Variants in RB1CC1 observed in about 807,000 individuals in gnomAD.
RB1CC1 encodes RB1-inducible coiled-coil protein 1.
Under a neutral mutation model 177.5 loss-of-function variants are expected in RB1CC1, and 46 were observed. That is an observed-to-expected ratio of 0.26 (90% CI 0.20 to 0.33). RB1CC1 has a LOEUF of 0.33. Ranked by LOEUF, RB1CC1 falls within the 10% of genes least tolerant of loss-of-function variation. The probability of loss-of-function intolerance (pLI) is 1.00; values close to 1 mark genes in which losing one functional copy is unlikely to be tolerated. For missense variants in RB1CC1, 1,703 were observed against 1,816.3 expected (o/e 0.94, Z 1.13); for synonymous variants, 666 against 613.6 (o/e 1.09, Z -1.26).
chr8:52,624,209 G>A (rs908696568), intron 23 of RB1CC1, among the ~76,000 whole-genome samples: 3 of 151,944 alleles, frequency 2.0e-5, no homozygotes, highest in Admixed American at 6.6e-5. Flanking sequence ...AGTTCTATTC[G>A]TATTTTGTAC....
chr8:52,683,483 C>CTA, intron 5 of RB1CC1, 66 bp downstream of exon 5: 1 of 1,340,192 alleles, frequency 7.5e-7, no homozygotes, highest in Admixed American at 2.7e-5. Flanking sequence ...GCAATTTAGA[C>CTA]TACTGTGCTA....
chr8:52,640,329 TC>T (rs1849463306), intron 18 of RB1CC1, among the ~76,000 whole-genome samples: 2 of 152,274 alleles, frequency 1.3e-5, no homozygotes, highest in Admixed American at 6.5e-5. Context: ...GTTTTGGTGT[TC>T]AATAATGTAC....
intron 20 of RB1CC1, among the ~76,000 whole-genome samples, chr8:52,633,533 C>A (rs1848913128): frequency 6.6e-6 from 1 of 152,086 alleles, no homozygotes; most frequent in Admixed American, 6.5e-5. Flanking sequence ...TTTTGCTGTT[C>A]AAGTTAAGGT....
chr8:52,664,158 C>A (rs111932890), intron 8 of RB1CC1, among the ~76,000 whole-genome samples: 33 of 152,292 alleles, frequency 2.2e-4, no homozygotes, highest in East Asian at 7.7e-4. Flanking sequence ...TCACCATATA[C>A]CTCCTAGCTT....
intron 1 of RB1CC1, among the ~76,000 whole-genome samples, chr8:52,691,643 G>A (rs944512937): frequency 6.6e-6 from 1 of 152,112 alleles, no homozygotes; most frequent in African/African-American, 2.4e-5. Flanking sequence ...ATTTTCCCAC[G>A]TTTTCATCCA....
At position 52,656,483 on chromosome 8, in the gene RB1CC1, C is replaced by T. The variant is rs1376484445; in HGVS notation, c.3346G>A (p.Glu1116Lys). Residue 1116 changes from glutamate (E) to lysine (K), a missense_variant, in exon 15 of 24, where the codon GAA becomes AAA. By Grantham distance (56) the Glu-to-Lys change is moderately conservative. Coordinates refer to ENST00000025008, the MANE Select transcript of RB1CC1 (RefSeq NM_014781.5). ...KLNQKIQDNN[E>K]NYQVGLAELR... ...TCTGCTAAGCCCACCTGATAATTTT[C>T]ATTATTATCCTGAATCTTTTGGTTG... The T allele has an allele frequency of 3.7e-6, 6 of 1,611,098 alleles. No individual in the cohort carries two copies. Among genetic ancestry groups the T allele is most frequent in the Middle Eastern group, 1.7e-4 (1 of 6,038 alleles).
At chr8:52,699,830 A>AAAATATATAT (rs1554557119) in intron 1 of RB1CC1, among the ~76,000 whole-genome samples, 2 of 26,700 alleles carry the variant, frequency 7.5e-5, no homozygotes, top group Admixed American at 8.2e-4. Context: ...AAAAAAAAAA[A>AAAATATATAT]ATATATATAT....
At chr8:52,708,861 T>C (rs1167039173) in intron 1 of RB1CC1, among the ~76,000 whole-genome samples, 2 of 152,160 alleles carry the variant, frequency 1.3e-5, no homozygotes, top group African/African-American at 2.4e-5. Context: ...TGAGGGAGAA[T>C]TGCTAATAAC....
intron 18 of RB1CC1, among the ~76,000 whole-genome samples, chr8:52,640,651 A>AT (rs900324094): frequency 5.3e-5 from 8 of 152,070 alleles, no homozygotes; most frequent in Admixed American, 5.2e-4. Context: ...AGTTGGATAT[A>AT]TTTTTTTAAA....
chr8:52,666,412 G>A (rs1852071042), intron 8 of RB1CC1, among the ~76,000 whole-genome samples: 1 of 151,866 alleles, frequency 6.6e-6, no homozygotes, highest in South Asian at 2.1e-4. Context: ...CAGCTACTTC[G>A]GAGACTGAGG....
intron 20 of RB1CC1, among the ~76,000 whole-genome samples, chr8:52,632,942 G>A (rs920788146): frequency 6.6e-6 from 1 of 152,158 alleles, no homozygotes; most frequent in Non-Finnish European, 1.5e-5. Context: ...TCAGACTGAA[G>A]CATAAGTGAC....
rs558344993 is a variant in RB1CC1, at chr8:52,691,683, A to G, written c.-166-4716T>C. ...GTATAGTCCTAAGACTGGCATCTTT[A>G]ATCAGAAGCCTCTTCTAAATATTTT... On this transcript the variant is annotated intron_variant, in intron 1 of 23. Transcript: ENST00000025008. 2.0e-5 allele frequency among the ~76,000 whole-genome samples: 3 copies of G among 152,300 alleles called. No homozygotes were observed. In the South Asian group the frequency reaches 6.2e-4, roughly 32 times the overall value.
intron 18 of RB1CC1, among the ~76,000 whole-genome samples, chr8:52,640,746 T>C (rs1849505142): frequency 6.6e-6 from 1 of 151,848 alleles, no homozygotes; most frequent in Non-Finnish European, 1.5e-5. Flanking sequence ...CCATGTTTTC[T>C]TGATTTGCTT....
chr8:52,691,403 CA>C (rs893421127), intron 1 of RB1CC1, among the ~76,000 whole-genome samples: 63 of 151,984 alleles, frequency 4.1e-4, no homozygotes, highest in African/African-American at 1.5e-3. Context: ...CAATGCTGAC[CA>C]AAAAAAGCTG....
rs962965769 is a variant in RB1CC1 at position 52,630,458 on chromosome 8, T to G, written c.4499+12A>C. On this transcript the variant is annotated intron_variant, in intron 21 of 23. Coordinates refer to ENST00000025008, the MANE Select transcript of RB1CC1 (RefSeq NM_014781.5). ...TTTCACAGAAAAATACTCACAAAAC[T>G]AAAATACTTACTCTCTAATAGCTAT... 1 of 1,567,078 alleles carries G rather than the reference T, an allele frequency of 6.4e-7. No homozygotes were observed. Among genetic ancestry groups the G allele is most frequent in the Non-Finnish European group, 8.6e-7 (1 of 1,161,336 alleles).
intron 20 of RB1CC1, 116 bp downstream of exon 20, chr8:52,634,805 C>A (rs1189922632): frequency 4.6e-6 from 4 of 869,584 alleles, no homozygotes; most frequent in Non-Finnish European, 6.9e-6. Flanking sequence ...ACCAACAAAC[C>A]TACTATAGAT....
At chr8:52,665,179 G>C (rs1477573940) in intron 8 of RB1CC1, among the ~76,000 whole-genome samples, 1 of 152,086 alleles carries the variant, frequency 6.6e-6, no homozygotes, top group East Asian at 1.9e-4. Flanking sequence ...TTTCGATCCA[G>C]ATAAATTATC....
At chr8:52,675,776 A>G (rs1162920631) in intron 6 of RB1CC1, among the ~76,000 whole-genome samples, 1 of 150,792 alleles carries the variant, frequency 6.6e-6, no homozygotes, top group Non-Finnish European at 1.5e-5. Context: ...AGTCCCAGCT[A>G]CTTGGGAGGC....
chr8:52,691,747 T>C (rs1854881544), intron 1 of RB1CC1, among the ~76,000 whole-genome samples: 2 of 152,184 alleles, frequency 1.3e-5, no homozygotes, highest in South Asian at 4.1e-4. Flanking sequence ...CTACCAAAAG[T>C]CTACCCAAGA....
Sources: allele counts gnomAD v4.1 joint callset (sites outside exome capture counted in the v4.1 genomes callset), GRCh38; gene constraint gnomAD v4.1.1; transcripts MANE v1.5; gene names NCBI Gene and HGNC (gene_info 2026-07-23, HGNC 2026-07-21).